FAM78A: variants seen among roughly 807,000 people sequenced by gnomAD.
The protein encoded by FAM78A is protein FAM78A.
In FAM78A, 12 loss-of-function variants were observed where a neutral mutation model predicts 22.6. The observed-to-expected ratio is 0.53, with a 90% CI of 0.34 to 0.86. The LOEUF (loss-of-function observed/expected upper bound fraction) is 0.86. Ranked by LOEUF, FAM78A falls within the 40% of genes least tolerant of loss-of-function variation. FAM78A has a pLI of 0.02. For synonymous variants in FAM78A, 151 were observed against 155.8 expected (o/e 0.97, Z 0.23); for missense variants, 322 against 396.1 (o/e 0.81, Z 1.59).
At chr9:131,270,284 A>T in intron 1 of FAM78A, 1 of 717,488 alleles carries the variant, frequency 1.4e-6, no homozygotes, top group Non-Finnish European at 2.6e-6. Flanking sequence ...ACCTCTCAGC[A>T]TCCTCACCTG....
At position 131,274,839 on chromosome 9, in the gene FAM78A, C is replaced by T. The variant is rs1156748175; in HGVS notation, c.323+1018G>A. On this transcript the variant is annotated intron_variant, in intron 1 of 1. Coordinates refer to ENST00000372271, the MANE Select transcript of FAM78A (RefSeq NM_033387.4). This position sits in a 1 kb window ranked among gnomAD's most constrained non-coding sequence, Gnocchi z 4.2. ...CTCTGGGAGTGTCAGCGGCCAGTCA[C>T]GGGGCCACAGGGTAGACACTGAGAG... Among the ~76,000 whole-genome samples, 1 of 151,480 alleles carries T rather than the reference C, an allele frequency of 6.6e-6. No homozygotes were observed. Among genetic ancestry groups the T allele is most frequent in the Non-Finnish European group, 1.5e-5 (1 of 67,642 alleles).
In FAM78A at chr9:131,259,544, C is replaced by A. The variant is rs1835232750; in HGVS notation, c.*1278G>T. On this transcript the variant is annotated 3_prime_UTR_variant, in exon 2 of 2. Transcript: ENST00000372271. ...TTCCCTAGAGCTTGGGTGCCTTCCA[C>A]CTCCATCACTGTGGCACCCAGAGCC... 2 of 152,402 alleles carry A rather than the reference C, an allele frequency of 1.3e-5. No homozygotes were observed. The highest frequency in any genetic ancestry group is 2.9e-5 in the Non-Finnish European group (2 of 68,050). 9.4% of individuals were successfully genotyped at this position (152,402 alleles called of 1,614,324 possible).
At chr9:131,280,576 C>T (rs1409075315), upstream of FAM78A, among the ~76,000 whole-genome samples, 1 of 152,136 alleles carries the variant, frequency 6.6e-6, no homozygotes, top group Non-Finnish European at 1.5e-5. Flanking sequence ...CGGCCCCATC[C>T]CCCACCCGGG....
chr9:131,277,208 G>A (rs1327435882), upstream of FAM78A, among the ~76,000 whole-genome samples: 1 of 151,642 alleles, frequency 6.6e-6, no homozygotes, highest in Admixed American at 6.6e-5. The surrounding 1 kb of genome is among the most constrained non-coding windows in gnomAD (Gnocchi z 8.4). Context: ...CGGGCGGGGT[G>A]GGGGGCGAGC....
At chr9:131,268,337 C>T (rs1450449555) in intron 1 of FAM78A, among the ~76,000 whole-genome samples, 2 of 152,136 alleles carry the variant, frequency 1.3e-5, no homozygotes, top group African/African-American at 4.8e-5. Flanking sequence ...CTGCCGCCCC[C>T]CTGGGCTGTC....
chr9:131,264,514 G>T (rs1478372806), intron 1 of FAM78A: 1 of 704,548 alleles, frequency 1.4e-6, no homozygotes, highest in East Asian at 2.7e-5. Context: ...CAGCTCTTCA[G>T]CAGCCCACAG....
At chr9:131,267,721 G>C (rs1332960998) in intron 1 of FAM78A, among the ~76,000 whole-genome samples, 1 of 152,100 alleles carries the variant, frequency 6.6e-6, no homozygotes, top group Non-Finnish European at 1.5e-5. Context: ...CTCACATTGG[G>C]CACCTTAAGA....
chr9:131,265,546 G>A lies in FAM78A; in HGVS notation c.324-4196C>T, dbSNP rs1835333185. 6.6e-6 allele frequency among the ~76,000 whole-genome samples: 1 copy of A among 152,100 alleles called. No individual in the cohort carries two copies. The highest frequency in any genetic ancestry group is 2.4e-5 in the African/African-American group (1 of 41,408). On this transcript the variant is annotated intron_variant, in intron 1 of 1. Coordinates refer to ENST00000372271, the MANE Select transcript of FAM78A (RefSeq NM_033387.4). The surrounding 1 kb of genome is among the most constrained non-coding windows in gnomAD (Gnocchi z 4.3). ...TTACAGGCGTGAGCCACCATGCCCG[G>A]CCTAATTTTTATATTTTTTTAGTAG...
Position 131,270,610 on chromosome 9 carries a change from C to G in FAM78A, c.323+5247G>C. The stretch of plus-strand genomic sequence containing the variant: ...AAAGCCTTGAAACAAGGACTTCCCT[C>G]TCCCACCCACCCCGCCCTTGCCTCC... On this transcript the variant is annotated intron_variant, in intron 1 of 1. Coordinates refer to ENST00000372271, the MANE Select transcript of FAM78A (RefSeq NM_033387.4). 4.3e-6 allele frequency: 3 copies of G among 694,234 alleles called. No individual in the cohort carries two copies. The South Asian group carries it at 4.5e-5, about 10-fold the overall frequency. 43.0% of individuals were successfully genotyped at this position (694,234 alleles called of 1,614,324 possible).
intron 1 of FAM78A, chr9:131,264,353 A>G: frequency 1.9e-6 from 1 of 520,198 alleles, no homozygotes; most frequent in African/African-American, 1.9e-5. Flanking sequence ...GCACTGCGTC[A>G]CGCGGGGCAT....
intron 1 of FAM78A, among the ~76,000 whole-genome samples, chr9:131,263,187 C>T (rs11244348): frequency 1.4e-5 from 2 of 143,964 alleles, no homozygotes; most frequent in East Asian, 2.0e-4. Flanking sequence ...TGCAGTGAGC[C>T]GAAATCACAC....
chr9:131,270,670 G>A (rs749075744), intron 1 of FAM78A: 3 of 599,698 alleles, frequency 5.0e-6, no homozygotes, highest in East Asian at 3.2e-5. Context: ...GCCGCCTTCC[G>A]GTTACAGAGA....
Position 131,275,752 on chromosome 9 carries a change from T to G in FAM78A, c.323+105A>C. On this transcript the variant is annotated intron_variant, in intron 1 of 1. Transcript: ENST00000372271. The surrounding 1 kb of genome is among the most constrained non-coding windows in gnomAD (Gnocchi z 4.6). ...TAAAGCTTCCCTCTGGCCTCCGTCC[T>G]GTCTTCATGGTATCTCCACCTTCCC... is the stretch of plus-strand genomic sequence containing the variant. The G allele has an allele frequency of 8.0e-7, 1 of 1,247,954 alleles. No homozygotes were observed. The highest frequency in any genetic ancestry group is 1.1e-6 in the Non-Finnish European group (1 of 914,572). The allele number at this position is 1,247,954 out of a possible 1,614,324, so 77.3% of individuals were successfully genotyped here.
At chr9:131,270,535 T>C in intron 1 of FAM78A, 1 of 715,036 alleles carries the variant, frequency 1.4e-6, no homozygotes, top group Non-Finnish European at 2.6e-6. Flanking sequence ...GGGCTGGTCC[T>C]GGGGGAGCTC....
At chr9:131,278,303 T>G (rs1425044821), upstream of FAM78A, among the ~76,000 whole-genome samples, 1 of 152,124 alleles carries the variant, frequency 6.6e-6, no homozygotes, top group Non-Finnish European at 1.5e-5. Context: ...CCCTTTGAAC[T>G]CTATGGACCA....
chr9:131,264,536 A>G, intron 1 of FAM78A: 1 of 714,416 alleles, frequency 1.4e-6, no homozygotes, highest in South Asian at 1.5e-5. Flanking sequence ...CAATCCGCCA[A>G]CATCTGCCTG....
rs148015834 is a variant in FAM78A, at chr9:131,274,954, G to A, written c.323+903C>T. Among the ~76,000 whole-genome samples, 235 of 152,294 alleles carry A rather than the reference G, an allele frequency of 1.5e-3. 1 individual carries two copies. The highest frequency in any genetic ancestry group is 5.2e-3 in the African/African-American group (217 of 41,556). On this transcript the variant is annotated intron_variant, in intron 1 of 1. Transcript: ENST00000372271. This position sits in a 1 kb window ranked among gnomAD's most constrained non-coding sequence, Gnocchi z 4.2. Reference sequence around the variant, plus strand: ...CTAGCTCTCTCCAAAGGGTCCTTACGCTCAGAAACAGCTATTTTCACCATC... The same window carrying A: ...CTAGCTCTCTCCAAAGGGTCCTTACACTCAGAAACAGCTATTTTCACCATC...
chr9:131,264,728 T>A, intron 1 of FAM78A: 3 of 419,408 alleles, frequency 7.2e-6, no homozygotes, highest in African/African-American at 4.2e-5. Context: ...TTTCTGACCT[T>A]TTTTTTTTTT....
chr9:131,270,368 T>G, intron 1 of FAM78A: 1 of 717,574 alleles, frequency 1.4e-6, no homozygotes, highest in Non-Finnish European at 2.6e-6. Context: ...CTGATCTTTT[T>G]CAATGCACCC....
Sources: allele counts gnomAD v4.1 joint callset (sites outside exome capture counted in the v4.1 genomes callset), GRCh38; gene constraint gnomAD v4.1.1; non-coding constraint Gnocchi (gnomAD v3.1); transcripts MANE v1.5; gene names NCBI Gene and HGNC (gene_info 2026-07-23, HGNC 2026-07-21).